WBP2NL: variants seen among roughly 807,000 people sequenced by gnomAD.
WBP2NL encodes the protein WBP2 N-terminal like.
Under a neutral mutation model 23.3 loss-of-function variants are expected in WBP2NL, and 27 were observed. The observed-to-expected ratio is 1.16, with a 90% confidence interval of 0.85 to 1.60. The LOEUF is 1.60. Ranked by LOEUF, WBP2NL falls within the 40% of genes most tolerant of loss-of-function variation. WBP2NL has a pLI of 0.00. For synonymous variants in WBP2NL, 151 were observed against 145.9 expected (o/e 1.03, Z -0.25); for missense variants, 370 against 389.5 (o/e 0.95, Z 0.42).
At chr22:42,039,755 T>G (rs1330027131) in intron 8 of WBP2NL, among the ~76,000 whole-genome samples, 2 of 152,130 alleles carry the variant, frequency 1.3e-5, no homozygotes, top group African/African-American at 4.8e-5. Flanking sequence ...GCTAAAGGCT[T>G]GATGATTTTG....
intron 5 of WBP2NL, among the ~76,000 whole-genome samples, chr22:42,026,471 T>C (rs1452233192): frequency 1.3e-5 from 2 of 152,094 alleles, no homozygotes; most frequent in African/African-American, 4.8e-5. Flanking sequence ...TCATTAAGCA[T>C]GTATTACTTT....
chr22:42,040,236 T>TC (rs1925352019), intron 8 of WBP2NL, among the ~76,000 whole-genome samples: 1 of 150,960 alleles, frequency 6.6e-6, no homozygotes, highest in African/African-American at 2.4e-5. Flanking sequence ...CTCTTTTTTT[T>TC]TTTTTAGACA....
At chr22:42,036,559 A>G (rs188685257), downstream of WBP2NL, among the ~76,000 whole-genome samples, 9 of 152,306 alleles carry the variant, frequency 5.9e-5, no homozygotes, top group African/African-American at 2.2e-4. Flanking sequence ...GCAGTGTACA[A>G]GGGTTCTCTT....
chr22:42,025,290 G>A (rs1924379368), intron 5 of WBP2NL, among the ~76,000 whole-genome samples: 1 of 152,174 alleles, frequency 6.6e-6, no homozygotes, highest in African/African-American at 2.4e-5. Context: ...GCCCAGGATG[G>A]CTTTGAATGC....
chr22:42,008,910 C>T (rs1324762693), intron 1 of WBP2NL, among the ~76,000 whole-genome samples: 2 of 152,242 alleles, frequency 1.3e-5, no homozygotes, highest in Non-Finnish European at 2.9e-5. Context: ...TCCTGAGTAG[C>T]TGGGACTACA....
intron 8 of WBP2NL, among the ~76,000 whole-genome samples, chr22:42,049,705 CAAAAAAAAAAAAAAA>C (rs1158837575): frequency 8.0e-5 from 3 of 37,478 alleles, no homozygotes; most frequent in African/African-American, 2.9e-4. Flanking sequence ...CAAAACAAAA[CAAAAAAAAAAAAAAA>C]AAAAAAAAAA....
At chr22:42,009,218 C>G (rs978031630) in intron 1 of WBP2NL, among the ~76,000 whole-genome samples, 3 of 152,166 alleles carry the variant, frequency 2.0e-5, no homozygotes, top group African/African-American at 7.2e-5. Flanking sequence ...AGATATTAAG[C>G]CCTTATCATA....
At chr22:42,023,880 G>C (rs1221729056) in intron 5 of WBP2NL, among the ~76,000 whole-genome samples, 1 of 152,056 alleles carries the variant, frequency 6.6e-6, no homozygotes, top group South Asian at 2.1e-4. Flanking sequence ...CTGGGCTCAA[G>C]CAAGTCTATT....
intron 8 of WBP2NL, among the ~76,000 whole-genome samples, chr22:42,042,432 A>G (rs755700634): frequency 1.1e-4 from 15 of 133,000 alleles, no homozygotes; most frequent in Non-Finnish European, 1.9e-4. Context: ...CTTCTACTTG[A>G]GTCATCTTCT....
chr22:42,037,729 C>T (rs755479769), downstream of WBP2NL, among the ~76,000 whole-genome samples: 10 of 151,686 alleles, frequency 6.6e-5, no homozygotes, highest in Admixed American at 1.3e-4. Context: ...GATAGTTCAT[C>T]TTTGGTATAT....
At chr22:42,001,889 T>A in intron 1 of WBP2NL, 1 of 1,473,306 alleles carries the variant, frequency 6.8e-7, no homozygotes. Context: ...CGATGGGTGC[T>A]ACCGCCATCT....
downstream of WBP2NL, chr22:42,029,917 T>G (rs1036383917): frequency 2.0e-5 from 3 of 152,220 alleles, no homozygotes; most frequent in Non-Finnish European, 4.4e-5. Flanking sequence ...TTTAAAAGTT[T>G]TAAATGCTTT....
At chr22:42,020,756 G>A (rs1477672674) in intron 4 of WBP2NL, among the ~76,000 whole-genome samples, 1 of 149,938 alleles carries the variant, frequency 6.7e-6, no homozygotes, top group Non-Finnish European at 1.5e-5. Context: ...CATGAGAGGG[G>A]AGTAGAGGTA....
chr22:42,014,502 C>T (rs562202109), intron 1 of WBP2NL, among the ~76,000 whole-genome samples: 2 of 152,324 alleles, frequency 1.3e-5, no homozygotes, highest in East Asian at 3.9e-4. Context: ...GCTAGGATTA[C>T]AGGCATGAGC....
chr22:42,020,868 GTATATATATATATATATATATATATA>G (rs1335645142), intron 4 of WBP2NL, among the ~76,000 whole-genome samples: 1 of 15,248 alleles, frequency 6.6e-5, no homozygotes, highest in East Asian at 2.7e-3. Context: ...GTGTGTGTGT[GTATATATATATATATATATATATATA>G]TATATATATA....
At chr22:42,000,230 C>T (rs891719545) in intron 1 of WBP2NL, among the ~76,000 whole-genome samples, 3 of 152,236 alleles carry the variant, frequency 2.0e-5, no homozygotes, top group Admixed American at 6.5e-5. Flanking sequence ...TCTTTCCTTC[C>T]TCCAGAAAGT....
In WBP2NL at chr22:42,019,306, TAC is replaced by T. The variant is rs780298265; in HGVS notation, c.63-3_63-2del. ...TGTGTGCCGTCTGTTCCTCATTTTC[TAC>T]AGTCTCTTGAAGCGGTCTCCGAATG... is the stretch of plus-strand genomic sequence containing the variant. On this transcript the variant is annotated splice_region_variant and splice_polypyrimidine_tract_variant and intron_variant, in intron 1 of 5. Coordinates refer to ENST00000328823, the MANE Select transcript of WBP2NL (RefSeq NM_152613.3). The T allele has an allele frequency of 3.7e-6, 6 of 1,610,892 alleles. No homozygotes were observed. Among genetic ancestry groups the T allele is most frequent in the Non-Finnish European group, 5.1e-6 (6 of 1,178,686 alleles).
In WBP2NL at chr22:42,027,432, G is replaced by A. The variant is rs1356476088; in HGVS notation, c.*251G>A. 2.1e-6 allele frequency: 1 copy of A among 476,924 alleles called. No homozygotes were observed. The highest frequency in any genetic ancestry group is 3.8e-5 in the Admixed American group (1 of 26,404). 29.5% of individuals were successfully genotyped at this position (476,924 alleles called of 1,614,324 possible). A position where few individuals can be genotyped will look rare whatever the true frequency, so the allele number is the denominator to read the frequency against. ...GTGGGGCTAATTCCCCAGTAATTTG[G>A]TTGACATTGGGTTGCATTTTTAAAC... On this transcript the variant is annotated 3_prime_UTR_variant, in exon 6 of 6. Transcript: ENST00000328823.
chr22:42,034,651 G>A (rs544482085), downstream of WBP2NL, among the ~76,000 whole-genome samples: 3 of 152,264 alleles, frequency 2.0e-5, no homozygotes, highest in South Asian at 4.2e-4. Context: ...GCCTGGGAGC[G>A]CTATGGGAGA....
Sources: gnomAD v4.1 joint callset for allele counts (sites outside exome capture counted in the v4.1 genomes callset) on GRCh38, gnomAD v4.1.1 for gene constraint, MANE v1.5 for transcripts, NCBI Gene and HGNC (gene_info 2026-07-23, HGNC 2026-07-21) for gene names.